COL15A1: variants seen among roughly 807,000 people sequenced by gnomAD.
COL15A1 encodes the protein collagen type XV alpha 1 chain, also known as collagen alpha-1(XV) chain.
COL15A1 carries 111 observed loss-of-function variants against 165.9 expected under a neutral mutation model. The observed-to-expected ratio is 0.67, with a 90% CI of 0.57 to 0.78. COL15A1 has a LOEUF of 0.78. COL15A1 is among the 30% of genes least tolerant of loss of function. The pLI is 0.00. For missense variants in COL15A1, 1,745 were observed against 1,789.7 expected (o/e 0.98, Z 0.45); for synonymous variants, 659 against 674.8 (o/e 0.98, Z 0.36).
At chr9:99,066,280 A>C (rs1588541951) in intron 39 of COL15A1, among the ~76,000 whole-genome samples, 2 of 152,356 alleles carry the variant, frequency 1.3e-5, no homozygotes, top group Admixed American at 1.3e-4. Flanking sequence ...CTGCTGACCA[A>C]GATAGCAGGG....
At chr9:99,013,659 G>C (rs1838881881) in intron 9 of COL15A1, among the ~76,000 whole-genome samples, 1 of 151,872 alleles carries the variant, frequency 6.6e-6, no homozygotes, top group South Asian at 2.1e-4. Context: ...TCCTCTCCCG[G>C]TATAAGGTAA....
intron 31 of COL15A1, 137 bp downstream of exon 31, chr9:99,052,570 T>C (rs7019613): frequency 0.14 from 105,226 of 742,514 alleles, 8,085 homozygotes; most frequent in East Asian, 0.21. Context: ...GGATGGCAGC[T>C]GAGCCAAGGC....
intron 6 of COL15A1, among the ~76,000 whole-genome samples, chr9:98,999,527 C>CTT (rs1318084201): frequency 5.0e-5 from 7 of 140,454 alleles, no homozygotes; most frequent in African/African-American, 1.3e-4. Flanking sequence ...TCTTCTTCTT[C>CTT]TTTTTTTTTT....
At position 98,944,003 on chromosome 9, in the gene COL15A1, A is replaced by G. The variant is rs1837531826; in HGVS notation, c.-59A>G. 4 of 1,607,808 alleles carry G rather than the reference A, an allele frequency of 2.5e-6. No homozygotes were observed. In the East Asian group the frequency reaches 6.7e-5, roughly 27 times the overall value. The stretch of plus-strand genomic sequence containing the variant: ...GCTCAGCGACCCTTCGTCCTCCGCT[A>G]AGCTCCAACGCTCTGCTCGACTAGC... On this transcript the variant is annotated 5_prime_UTR_variant, in exon 1 of 42. Transcript: ENST00000375001.
intron 9 of COL15A1, among the ~76,000 whole-genome samples, chr9:99,009,927 G>A (rs1838823067): frequency 6.6e-6 from 1 of 152,172 alleles, no homozygotes. Flanking sequence ...TGACACAGGG[G>A]CCAATATGCT....
rs1368597114 is a variant in COL15A1 at position 99,059,944 on chromosome 9, C to G, written c.3393C>G (p.Ser1131=). The stretch of plus-strand genomic sequence containing the variant: ...CAGGACAGCCAGGGCTTCCCGGATC[C>G]AGAAACCTGGTCAGTATTATCATCA... ...GPPGQPGLPG[S]RNLVTAFSNM... is the part of the protein sequence containing the mutation. Residue 1131 remains serine (S), a synonymous_variant, in exon 36 of 42, where the codon TCC becomes TCG. Coordinates refer to ENST00000375001, the MANE Select transcript of COL15A1 (RefSeq NM_001855.5). 1 of 1,613,948 alleles carries G rather than the reference C, an allele frequency of 6.2e-7. No individual in the cohort carries two copies. Among genetic ancestry groups the G allele is most frequent in the East Asian group, 2.2e-5 (1 of 44,876 alleles).
chr9:99,040,810 A>G (rs964224029), intron 23 of COL15A1: 8 of 554,714 alleles, frequency 1.4e-5, no homozygotes, highest in Admixed American at 3.1e-5. Flanking sequence ...TGAGCCCCTG[A>G]GCCTGGCTGA....
rs752717162 is a variant in COL15A1 at position 98,987,397 on chromosome 9, C to A, written c.723+29C>A. 17 of 1,573,654 alleles carry A rather than the reference C, an allele frequency of 1.1e-5. No homozygotes were observed. The Admixed American group carries it at 3.1e-4, about 28-fold the overall frequency. Reference sequence around the variant, plus strand: ...AGCTCCCCTACTATCCCACAGTGGGCCCTGCAACCCCAGCAGCCGCAGCCT... The same window carrying A: ...AGCTCCCCTACTATCCCACAGTGGGACCTGCAACCCCAGCAGCCGCAGCCT... On this transcript the variant is annotated intron_variant, in intron 4 of 41. Coordinates refer to ENST00000375001, the MANE Select transcript of COL15A1 (RefSeq NM_001855.5).
intron 25 of COL15A1, 42 bp downstream of exon 25, chr9:99,044,678 GCTTTGCATCTTTGTT>G (rs774372759): frequency 5.3e-5 from 85 of 1,612,406 alleles, no homozygotes; most frequent in Non-Finnish European, 7.1e-5. Context: ...ATCTGCCCCA[GCTTTGCATCTTTGTT>G]TCTGTCCCAA....
intron 18 of COL15A1, 47 bp from the exon 19 acceptor site, chr9:99,035,303 G>A (rs1839281641): frequency 6.2e-7 from 1 of 1,613,036 alleles, no homozygotes; most frequent in African/African-American, 1.3e-5. Context: ...GCACAAGTAG[G>A]TGCCCAGGAA....
At chr9:99,020,136 G>T (rs1839000820) in intron 11 of COL15A1, among the ~76,000 whole-genome samples, 2 of 152,202 alleles carry the variant, frequency 1.3e-5, no homozygotes, top group Admixed American at 1.3e-4. Flanking sequence ...TCAGGTGTGG[G>T]TGACTCCAAA....
At chr9:99,031,147 C>G (rs760044403) in intron 16 of COL15A1, among the ~76,000 whole-genome samples, 4 of 152,138 alleles carry the variant, frequency 2.6e-5, no homozygotes, top group Non-Finnish European at 5.9e-5. Context: ...CATGAAGCTG[C>G]CCCTGGAGAC....
At position 98,997,037 on chromosome 9, in the gene COL15A1, A is replaced by G; in HGVS notation, c.908A>G (p.Glu303Gly). 1 of 1,614,226 alleles carries G rather than the reference A, an allele frequency of 6.2e-7. No individual in the cohort carries two copies. Among genetic ancestry groups the G allele is most frequent in the Non-Finnish European group, 8.5e-7 (1 of 1,180,042 alleles). The part of the protein sequence containing the change: ...SGEPVPEGTL[E>G]TTNMSIIQHS... ...GAACCTGTACCCGAGGGGACCCTGG[A>G]AACCACCAACATGAGCATCATCCAG... Residue 303 changes from glutamate to glycine, a missense_variant, in exon 6 of 42, where the codon GAA becomes GGA. Physicochemically the swap from Glu to Gly is moderately conservative, Grantham distance 98. Coordinates refer to ENST00000375001, the MANE Select transcript of COL15A1 (RefSeq NM_001855.5).
chr9:98,999,423 A>G (rs1314548037), intron 6 of COL15A1, among the ~76,000 whole-genome samples: 1 of 151,996 alleles, frequency 6.6e-6, no homozygotes, highest in East Asian at 1.9e-4. Flanking sequence ...GTGGGCCAGC[A>G]GGAGGGTTGC....
Position 99,019,079 on chromosome 9 carries a change from G to A in COL15A1, c.1648-1310G>A, listed in dbSNP as rs193159847. ...GAAGACATTCCTGCTAAGTCCCCACGTTAGGGATCTGCAATGAACTCAGAT... is the reference window on the plus strand; with the variant it reads ...GAAGACATTCCTGCTAAGTCCCCACATTAGGGATCTGCAATGAACTCAGAT... On this transcript the variant is annotated intron_variant, in intron 11 of 41. Coordinates refer to ENST00000375001, the MANE Select transcript of COL15A1 (RefSeq NM_001855.5). Among the ~76,000 whole-genome samples the A allele has an allele frequency of 2.4e-3, 362 of 152,288 alleles. 1 individual carries two copies. Among genetic ancestry groups the A allele is most frequent in the Non-Finnish European group, 4.4e-3 (296 of 68,018 alleles).
At chr9:98,960,115 C>T (rs1310165545) in intron 2 of COL15A1, among the ~76,000 whole-genome samples, 3 of 152,140 alleles carry the variant, frequency 2.0e-5, no homozygotes, top group Non-Finnish European at 4.4e-5. Flanking sequence ...TCATTAGAAA[C>T]AGAGTCCCAA....
intron 2 of COL15A1, among the ~76,000 whole-genome samples, chr9:98,965,404 C>T (rs1837939765): frequency 6.6e-6 from 1 of 152,218 alleles, no homozygotes; most frequent in African/African-American, 2.4e-5. Flanking sequence ...TCAGTCATCT[C>T]ATCTGAAAAT....
At chr9:99,054,503 TG>T in intron 31 of COL15A1, 72 bp from the exon 32 acceptor site, 1 of 1,477,344 alleles carries the variant, frequency 6.8e-7, no homozygotes, top group Non-Finnish European at 9.0e-7. Context: ...TTTGAAAACC[TG>T]TCTCAGAAAG....
intron 24 of COL15A1, among the ~76,000 whole-genome samples, chr9:99,042,375 T>A (rs189903682): frequency 2.0e-4 from 31 of 152,300 alleles, no homozygotes; most frequent in Non-Finnish European, 1.5e-5. Context: ...AGCTGTTAAC[T>A]TTTTTAATCT....
Sources: allele counts gnomAD v4.1 joint callset (sites outside exome capture counted in the v4.1 genomes callset), GRCh38; gene constraint gnomAD v4.1.1; transcripts MANE v1.5; gene names NCBI Gene and HGNC (gene_info 2026-07-23, HGNC 2026-07-21).